Variants in PCDH15 observed in about 807,000 individuals in gnomAD.
PCDH15 encodes protocadherin related 15.
PCDH15 carries 129 observed loss-of-function variants against 178.5 expected under a neutral mutation model. The ratio of observed to expected loss-of-function variants is 0.72; its 90% CI spans 0.63 to 0.84. The LOEUF is 0.84. Among genes scored for constraint, PCDH15 ranks in the 40% least tolerant of loss-of-function variants. The pLI is 0.00. For synonymous variants in PCDH15, 800 were observed against 732.0 expected, an observed-to-expected ratio of 1.09 and a Z score of -1.50; for missense variants, 2,230 against 2,099.9, an observed-to-expected ratio of 1.06 and a Z score of -1.21.
chr10:54,317,912 A>G (rs2061377963), intron 7 of PCDH15, among the ~76,000 whole-genome samples: 1 of 152,210 alleles, frequency 6.6e-6, no homozygotes, highest in Admixed American at 6.5e-5. Context: ...AATTGTCTTC[A>G]AAGCAACTTT....
intron 18 of PCDH15, among the ~76,000 whole-genome samples, chr10:54,028,712 G>C (rs868048457): frequency 1.3e-4 from 20 of 149,228 alleles, no homozygotes; most frequent in African/African-American, 4.2e-4. Context: ...ACCGCATATT[G>C]TCACTCATAG....
intron 3 of PCDH15, among the ~76,000 whole-genome samples, chr10:54,434,907 A>T (rs2075282407): frequency 6.6e-6 from 1 of 152,230 alleles, no homozygotes; most frequent in African/African-American, 2.4e-5. Flanking sequence ...TACCAGGTAT[A>T]TCACTCTTGG....
chr10:55,296,702 C>A (rs750113350), intron 1 of PCDH15, among the ~76,000 whole-genome samples: 4 of 152,070 alleles, frequency 2.6e-5, no homozygotes, highest in Non-Finnish European at 4.4e-5. Context: ...TCATTGAAAA[C>A]GGACCTGCTT....
chr10:54,259,537 A>G (rs1159974928), intron 8 of PCDH15, among the ~76,000 whole-genome samples: 1 of 152,246 alleles, frequency 6.6e-6, no homozygotes, highest in Non-Finnish European at 1.5e-5. Flanking sequence ...GAAAAGAAGT[A>G]GAAAGCAAAC....
At chr10:54,645,654 T>A (rs1213332849) in intron 2 of PCDH15, among the ~76,000 whole-genome samples, 1 of 152,190 alleles carries the variant, frequency 6.6e-6, no homozygotes, top group Non-Finnish European at 1.5e-5. Context: ...GAAAGTATTA[T>A]GAGTGTTCTA....
rs945648667 is a variant in PCDH15, at chr10:55,317,232, A to C, written c.-156+2367T>G. ...GTTGTGATTAAATGTTAGTATACAC[A>C]AAGAACTTAACTTTACCAGCCACAA... On this transcript the variant is annotated intron_variant, in intron 1 of 5. Transcript: ENST00000458638. 2.6e-5 allele frequency among the ~76,000 whole-genome samples: 4 copies of C among 152,326 alleles called. No individual in the cohort carries two copies. The East Asian group carries it at 7.7e-4, about 29-fold the overall frequency.
chr10:54,497,267 C>A (rs936619312), intron 3 of PCDH15, among the ~76,000 whole-genome samples: 1 of 149,574 alleles, frequency 6.7e-6, no homozygotes, highest in Admixed American at 6.7e-5. Context: ...CCCTCAAGGG[C>A]ACCAAACAAT....
chr10:54,726,780 A>G (rs114406445), intron 1 of PCDH15, among the ~76,000 whole-genome samples: 18,205 of 150,936 alleles, frequency 0.12, 1,215 homozygotes, highest in African/African-American at 0.17. Context: ...TACACAGCAG[A>G]ATAGGCCAAG....
chr10:55,160,729 T>C (rs1320777973), intron 2 of PCDH15, among the ~76,000 whole-genome samples: 1 of 152,050 alleles, frequency 6.6e-6, no homozygotes, highest in East Asian at 1.9e-4. Context: ...TAAGTGACTA[T>C]TTGCTACCAT....
Position 55,057,118 on chromosome 10 carries a change from C to T in PCDH15, c.-80+109458G>A, listed in dbSNP as rs1436817044. 2.6e-5 allele frequency among the ~76,000 whole-genome samples: 4 copies of T among 152,208 alleles called. No individual in the cohort carries two copies. The East Asian group carries it at 7.7e-4, about 29-fold the overall frequency. On this transcript the variant is annotated intron_variant, in intron 2 of 5. Transcript: ENST00000458638. ...AATAGATTTTATATTGTCGGCTACCCTGTGCTATCGTCAGACAAGGGCCTA... is the reference window on the plus strand; with the variant it reads ...AATAGATTTTATATTGTCGGCTACCTTGTGCTATCGTCAGACAAGGGCCTA...
At chr10:53,881,302 G>T (rs957589615) in intron 26 of PCDH15, among the ~76,000 whole-genome samples, 5 of 152,132 alleles carry the variant, frequency 3.3e-5, no homozygotes, top group African/African-American at 1.2e-4. Flanking sequence ...TGGAGACTCA[G>T]AAAGGTGGGA....
Position 54,924,055 on chromosome 10 carries a change from C to A in PCDH15, c.-79-26555G>T, listed in dbSNP as rs137977624. On this transcript the variant is annotated intron_variant, in intron 2 of 5. Coordinates refer to the PCDH15 transcript ENST00000458638. The stretch of plus-strand genomic sequence containing the variant: ...GAGTGAAATTTAACTCACATATCTA[C>A]AAGCTGTTCAGGTGACATGGCTGTG... 2.2e-5 allele frequency among the ~76,000 whole-genome samples: 3 copies of A among 138,340 alleles called. 1 individual carries two copies. The highest frequency in any genetic ancestry group is 5.0e-5 in the African/African-American group (2 of 40,174). 90.8% of individuals were successfully genotyped at this position (138,340 alleles called of 152,430 possible).
At chr10:55,122,522 A>C (rs935628031) in intron 2 of PCDH15, among the ~76,000 whole-genome samples, 1 of 152,164 alleles carries the variant, frequency 6.6e-6, no homozygotes, top group Non-Finnish European at 1.5e-5. Context: ...TTTGAAGGGC[A>C]CAATATAAGA....
At chr10:55,443,909 A>G (rs1337256186) in intron 2 of PCDH15, among the ~76,000 whole-genome samples, 1 of 152,206 alleles carries the variant, frequency 6.6e-6, no homozygotes, top group Non-Finnish European at 1.5e-5. Flanking sequence ...GTCAGGCTGG[A>G]TAAAGAAAAT....
At chr10:55,312,264 G>T (rs142261422) in intron 1 of PCDH15, among the ~76,000 whole-genome samples, 1 of 152,060 alleles carries the variant, frequency 6.6e-6, no homozygotes, top group Admixed American at 6.6e-5. Context: ...GAGGTTTTCT[G>T]TTGTAAGGTA....
At chr10:53,968,813 C>T (rs2089341645) in intron 21 of PCDH15, among the ~76,000 whole-genome samples, 1 of 152,122 alleles carries the variant, frequency 6.6e-6, no homozygotes, top group Admixed American at 6.5e-5. Context: ...CGAAAACTAA[C>T]AAACAGAAAG....
rs767845518 is a variant in PCDH15, at chr10:54,317,421, A to G, written c.726T>C (p.Asn242=). 7 of 1,613,822 alleles carry G rather than the reference A, an allele frequency of 4.3e-6. No homozygotes were observed. In the East Asian group the frequency reaches 1.6e-4, roughly 36 times the overall value. The change falls in exon 8 of 38, where the codon AAT becomes AAC. Residue 242 remains asparagine, a synonymous_variant. Transcript: ENST00000644397. Reference sequence around the variant, plus strand: ...GAGTGGTGGTGGTGGTTCGCCTCTCATTCAGATTTTGGGCACGGTCCTGTT... The same window carrying G: ...GAGTGGTGGTGGTGGTTCGCCTCTCGTTCAGATTTTGGGCACGGTCCTGTT... ...IQANDRAQNL[N]ERRTTTTTLT...
intron 1 of PCDH15, among the ~76,000 whole-genome samples, chr10:55,229,598 T>C (rs1362531151): frequency 6.6e-6 from 1 of 152,058 alleles, no homozygotes; most frequent in Non-Finnish European, 1.5e-5. Context: ...CTATGTCCAT[T>C]ATTCAAAATG....
At chr10:53,903,462 A>C in intron 25 of PCDH15, 92 bp from the exon 26 acceptor site, 1 of 1,466,268 alleles carries the variant, frequency 6.8e-7, no homozygotes, top group Non-Finnish European at 9.4e-7. Flanking sequence ...TTTTTTTTGG[A>C]AACATTGAAA....
Sources: allele counts gnomAD v4.1 joint callset (sites outside exome capture counted in the v4.1 genomes callset), GRCh38; gene constraint gnomAD v4.1.1; transcripts MANE v1.5; gene names NCBI Gene and HGNC (gene_info 2026-07-23, HGNC 2026-07-21).